Variants in NFAM1 observed in about 807,000 individuals in gnomAD.
The protein encoded by NFAM1 is NFAT activating protein with ITAM motif 1, also known as NFAT activation molecule 1.
In NFAM1, 17 loss-of-function variants were observed where a neutral mutation model predicts 29.0. That is an observed-to-expected ratio of 0.59 (90% confidence interval 0.40 to 0.88). The LOEUF (loss-of-function observed/expected upper bound fraction) is 0.88, where lower values mean the gene tolerates loss of function less well. Ranked by LOEUF, NFAM1 falls within the 40% of genes least tolerant of loss-of-function variation. NFAM1 has a pLI of 0.00. For missense variants in NFAM1, 324 were observed against 344.6 expected (o/e 0.94, Z 0.47); for synonymous variants, 175 against 147.2 (o/e 1.19, Z -1.36).
In NFAM1 at chr22:42,383,217, G is replaced by T; in HGVS notation, c.*1944C>A. The T allele has an allele frequency of 6.5e-6, 1 of 153,036 alleles. No individual in the cohort carries two copies. Among genetic ancestry groups the T allele is most frequent in the Non-Finnish European group, 1.5e-5 (1 of 68,570 alleles). The allele number at this position is 153,036 out of a possible 1,614,324, so 9.5% of individuals were successfully genotyped here. ...AGGGTCTAGGAGCTGAGGTCAGAGA[G>T]GCCCAGGAGGTGGGGGAGGCAGGCC... is the stretch of plus-strand genomic sequence containing the variant. On this transcript the variant is annotated 3_prime_UTR_variant, in exon 6 of 6. Transcript: ENST00000329021.
chr22:42,390,816 C>T (rs74365417), intron 4 of NFAM1, among the ~76,000 whole-genome samples: 26 of 107,538 alleles, frequency 2.4e-4, no homozygotes, highest in South Asian at 6.3e-4. Context: ...GACTCCGTCT[C>T]AAAAAAAAAA....
At chr22:42,393,048 C>G (rs952485652) in intron 4 of NFAM1, among the ~76,000 whole-genome samples, 2 of 152,080 alleles carry the variant, frequency 1.3e-5, no homozygotes, top group African/African-American at 2.4e-5. Flanking sequence ...GACTCACCCA[C>G]CTCAGCCTCC....
intron 4 of NFAM1, among the ~76,000 whole-genome samples, chr22:42,392,157 G>A (rs901853669): frequency 3.9e-4 from 59 of 151,922 alleles, no homozygotes; most frequent in African/African-American, 1.3e-3. Flanking sequence ...CCCAGGATGG[G>A]CTCCAACATT....
intron 5 of NFAM1, among the ~76,000 whole-genome samples, chr22:42,386,445 A>G (rs1224987960): frequency 2.9e-5 from 4 of 139,806 alleles, no homozygotes; most frequent in South Asian, 2.1e-4. Flanking sequence ...AACAAAAAAA[A>G]AGAGAGAAAG....
chr22:42,412,710 G>C (rs1179640428), intron 1 of NFAM1, among the ~76,000 whole-genome samples: 1 of 152,344 alleles, frequency 6.6e-6, no homozygotes, highest in Middle Eastern at 3.4e-3. Context: ...GCCAAAGTAA[G>C]GAGGCATTCA....
At chr22:42,417,993 C>T (rs1235757703) in intron 1 of NFAM1, among the ~76,000 whole-genome samples, 1 of 152,260 alleles carries the variant, frequency 6.6e-6, no homozygotes, top group Non-Finnish European at 1.5e-5. Flanking sequence ...CCTGCTTAGT[C>T]TGCCCACCCT....
At chr22:42,432,495 G>C, upstream of NFAM1, 5 of 1,274,650 alleles carry the variant, frequency 3.9e-6, no homozygotes, top group Admixed American at 8.9e-5. Flanking sequence ...AGCTGGAACA[G>C]CCCAGCAGGG....
rs1411486793 is a variant in NFAM1, at chr22:42,409,309, G to C, written c.564+126C>G. On this transcript the variant is annotated intron_variant, in intron 3 of 5. Coordinates refer to ENST00000329021, the MANE Select transcript of NFAM1 (RefSeq NM_145912.8). This position sits in a 1 kb window ranked among gnomAD's most constrained non-coding sequence, Gnocchi z 4.9. ...CCAGCCCTGGTGCAAGGGGCCACGA[G>C]GGCCACCTGTTACAGATGTGGATGT... The C allele has an allele frequency of 2.2e-5, 11 of 494,446 alleles. No homozygotes were observed. Among genetic ancestry groups the C allele is most frequent in the Non-Finnish European group, 4.0e-5 (11 of 275,078 alleles). The allele number at this position is 494,446 out of a possible 1,614,324, so 30.6% of individuals were successfully genotyped here.
chr22:42,402,203 G>A (rs1033513186), intron 3 of NFAM1, among the ~76,000 whole-genome samples: 5 of 152,350 alleles, frequency 3.3e-5, no homozygotes, highest in Admixed American at 2.6e-4. Flanking sequence ...AGGGCTTGCT[G>A]AGGGATGGAT....
chr22:42,437,468 C>G, the NFAM1 span, among the ~76,000 whole-genome samples: 1 of 152,132 alleles, frequency 6.6e-6, no homozygotes, highest in East Asian at 1.9e-4. Flanking sequence ...TATTCCACGT[C>G]CACCATGTGC....
chr22:42,419,820 G>A lies in NFAM1; in HGVS notation c.122-8084C>T, dbSNP rs552242043. Among the ~76,000 whole-genome samples the A allele has an allele frequency of 6.6e-6, 1 of 152,248 alleles. No individual in the cohort carries two copies. The highest frequency in any genetic ancestry group is 2.4e-5 in the African/African-American group (1 of 41,550). On this transcript the variant is annotated intron_variant, in intron 1 of 5. Transcript: ENST00000329021. The surrounding 1 kb of genome is among the most constrained non-coding windows in gnomAD (Gnocchi z 4.5). ...CTGCCCCGCACAGCACAGACTCTCA[G>A]GCGTCACTGTTAAGCCATGTGATCA...
At chr22:42,404,727 C>A (rs764014736) in intron 3 of NFAM1, among the ~76,000 whole-genome samples, 2 of 151,952 alleles carry the variant, frequency 1.3e-5, no homozygotes, top group African/African-American at 2.4e-5. Context: ...TGGTATCGCA[C>A]GTCTGTAATC....
intron 1 of NFAM1, among the ~76,000 whole-genome samples, chr22:42,414,647 C>G (rs1406279444): frequency 1.3e-5 from 2 of 151,640 alleles, no homozygotes; most frequent in Non-Finnish European, 2.9e-5. Flanking sequence ...CCCTGCCCAG[C>G]AGCCCTGCAC....
chr22:42,396,931 C>T (rs1160646140), intron 4 of NFAM1, among the ~76,000 whole-genome samples: 1 of 149,232 alleles, frequency 6.7e-6, no homozygotes, highest in Non-Finnish European at 1.5e-5. Flanking sequence ...AGGGGGCGTG[C>T]ACCTGGGGGG....
upstream of NFAM1, among the ~76,000 whole-genome samples, chr22:42,433,893 G>A (rs369739775): frequency 7.9e-4 from 120 of 152,264 alleles, 1 homozygote; most frequent in African/African-American, 2.6e-3. Flanking sequence ...GATAGACCTC[G>A]TGTCAATGCC....
intron 1 of NFAM1, among the ~76,000 whole-genome samples, chr22:42,431,946 C>A (rs1009530142): frequency 6.6e-6 from 1 of 152,194 alleles, no homozygotes; most frequent in Non-Finnish European, 1.5e-5. Context: ...AGCCACACAG[C>A]GCCCACCCTC....
At chr22:42,401,804 C>T (rs1929734990) in intron 3 of NFAM1, among the ~76,000 whole-genome samples, 1 of 152,182 alleles carries the variant, frequency 6.6e-6, no homozygotes. Context: ...TCCAGCTGTG[C>T]ACACCAGGGG....
rs1409410074 is a variant in NFAM1, at chr22:42,383,613, C to T, written c.*1548G>A. On this transcript the variant is annotated 3_prime_UTR_variant, in exon 6 of 6. Transcript: ENST00000329021. ...GGGCCAAGGGACTTCTTCTGGACGT[C>T]AGTCTGTGCCCAGCCTCTACCACCA... 1.3e-5 allele frequency: 2 copies of T among 152,690 alleles called. No individual in the cohort carries two copies. The highest frequency in any genetic ancestry group is 6.5e-5 in the Admixed American group (1 of 15,290). The allele number at this position is 152,690 out of a possible 1,614,324, so 9.5% of individuals were successfully genotyped here. A position where few individuals can be genotyped will look rare whatever the true frequency, so the allele number is the denominator to read the frequency against.
At chr22:42,389,537 C>G (rs1031105336) in intron 4 of NFAM1, among the ~76,000 whole-genome samples, 1 of 150,438 alleles carries the variant, frequency 6.6e-6, no homozygotes, top group African/African-American at 2.4e-5. Flanking sequence ...CTGGCCCTCC[C>G]TTAGGTATGC....
Sources: gnomAD v4.1 joint callset for allele counts (sites outside exome capture counted in the v4.1 genomes callset) on GRCh38, gnomAD v4.1.1 for gene constraint, Gnocchi (gnomAD v3.1) non-coding constraint, MANE v1.5 for transcripts, NCBI Gene and HGNC (gene_info 2026-07-23, HGNC 2026-07-21) for gene names.